RAB3C: variants seen among roughly 807,000 people sequenced by gnomAD.
The protein encoded by RAB3C is RAB3C, member RAS oncogene family.
RAB3C carries 17 observed loss-of-function variants against 26.4 expected under a neutral mutation model. The observed-to-expected ratio is 0.64, with a 90% CI of 0.44 to 0.97. The LOEUF (loss-of-function observed/expected upper bound fraction) is 0.97, where lower values mean the gene tolerates loss of function less well. RAB3C is among the 50% of genes least tolerant of loss of function. The pLI is 0.00. For missense variants in RAB3C, 242 were observed against 281.9 expected (o/e 0.86, Z 1.01); for synonymous variants, 91 against 95.9 (o/e 0.95, Z 0.30).
At position 58,851,335 on chromosome 5, in the gene RAB3C, C is replaced by A; in HGVS notation, c.668C>A (p.Pro223His). The change falls in exon 5 of 5, where the codon CCC becomes CAC. Residue 223 changes from proline to histidine, a missense_variant. Physicochemically the swap from Pro to His is moderately conservative, Grantham distance 77 (BLOSUM62 -2). Transcript: ENST00000282878. The part of the protein sequence containing the change: ...RLKETPPPPQ[P>H]NCAC Reference sequence around the variant, plus strand: ...AAGGAAACTCCTCCTCCACCGCAGCCCAACTGTGCCTGCTAGTGTCCCCGT... The same window carrying A: ...AAGGAAACTCCTCCTCCACCGCAGCACAACTGTGCCTGCTAGTGTCCCCGT... The A allele has an allele frequency of 6.2e-7, 1 of 1,604,846 alleles. No individual in the cohort carries two copies. Among genetic ancestry groups the A allele is most frequent in the Non-Finnish European group, 8.5e-7 (1 of 1,176,572 alleles).
At chr5:58,795,179 A>C (rs1331577674) in intron 3 of RAB3C, among the ~76,000 whole-genome samples, 1 of 152,166 alleles carries the variant, frequency 6.6e-6, no homozygotes, top group Non-Finnish European at 1.5e-5. Context: ...GTCACCATGT[A>C]AGATGTGATT....
intron 2 of RAB3C, among the ~76,000 whole-genome samples, chr5:58,622,899 A>G (rs1223913640): frequency 2.0e-5 from 3 of 152,194 alleles, no homozygotes; most frequent in Non-Finnish European, 4.4e-5. Context: ...GGTAGAAGAG[A>G]TCCAGGGAGG....
At chr5:58,821,281 A>G (rs1027316282) in intron 3 of RAB3C, among the ~76,000 whole-genome samples, 7 of 152,216 alleles carry the variant, frequency 4.6e-5, no homozygotes, top group Non-Finnish European at 7.3e-5. Context: ...TTCTGTTAAC[A>G]TAAGTGTTCT....
chr5:58,824,320 T>C (rs1007422147), intron 3 of RAB3C, among the ~76,000 whole-genome samples: 15 of 133,228 alleles, frequency 1.1e-4, no homozygotes, highest in Non-Finnish European at 2.3e-4. Context: ...ATTTATTATC[T>C]AAGTTCCAAA....
intron 4 of RAB3C, among the ~76,000 whole-genome samples, chr5:58,830,879 CT>C (rs5868141): frequency 0.58 from 86,914 of 150,514 alleles, 25,198 homozygotes; most frequent in Middle Eastern, 0.73. Context: ...CGCAATAGGT[CT>C]TTTTTTTTTA....
At chr5:58,729,913 TTA>T (rs566791089) in intron 3 of RAB3C, among the ~76,000 whole-genome samples, 3 of 146,940 alleles carry the variant, frequency 2.0e-5, no homozygotes, top group African/African-American at 7.5e-5. Flanking sequence ...TATATTTATA[TTA>T]TATATATACA....
intron 3 of RAB3C, among the ~76,000 whole-genome samples, chr5:58,773,018 C>A (rs147677842): frequency 2.2e-4 from 33 of 152,248 alleles, no homozygotes; most frequent in African/African-American, 7.9e-4. Flanking sequence ...GACCTAGAAG[C>A]CTACATAGAT....
intron 2 of RAB3C, among the ~76,000 whole-genome samples, chr5:58,641,378 G>A (rs769429454): frequency 4.6e-5 from 7 of 152,154 alleles, no homozygotes; most frequent in Non-Finnish European, 8.8e-5. Context: ...TGGTAGCTCC[G>A]CCAGTGTGCG....
chr5:58,596,992 T>A (rs1169036633), intron 1 of RAB3C, among the ~76,000 whole-genome samples: 2 of 89,958 alleles, frequency 2.2e-5, no homozygotes, highest in Non-Finnish European at 3.8e-5. Context: ...TAATATATAA[T>A]GCATAATATA....
At chr5:58,670,196 C>A (rs1748083779) in intron 2 of RAB3C, among the ~76,000 whole-genome samples, 1 of 152,118 alleles carries the variant, frequency 6.6e-6, no homozygotes, top group African/African-American at 2.4e-5. Flanking sequence ...GACATACGAT[C>A]TTAGAGGCCC....
intron 1 of RAB3C, among the ~76,000 whole-genome samples, chr5:58,606,321 G>A (rs900054247): frequency 6.6e-6 from 1 of 152,200 alleles, no homozygotes; most frequent in African/African-American, 2.4e-5. Context: ...AGATTGACCT[G>A]CAAGGTGGCA....
chr5:58,837,710 C>T (rs1020775339), intron 4 of RAB3C, among the ~76,000 whole-genome samples: 1 of 150,506 alleles, frequency 6.6e-6, no homozygotes, highest in Non-Finnish European at 1.5e-5. Flanking sequence ...AGGTGCCCAC[C>T]ACCACACCCA....
chr5:58,704,676 T>C (rs952408182), intron 2 of RAB3C, among the ~76,000 whole-genome samples: 2 of 152,162 alleles, frequency 1.3e-5, no homozygotes, highest in Non-Finnish European at 2.9e-5. Flanking sequence ...GATAAGCAGG[T>C]AAAATGACTT....
chr5:58,831,799 G>T (rs952406737), intron 4 of RAB3C, among the ~76,000 whole-genome samples: 2 of 151,868 alleles, frequency 1.3e-5, no homozygotes, highest in Non-Finnish European at 2.9e-5. Flanking sequence ...GAAAACCCAA[G>T]GCGGGGACAA....
At chr5:58,631,293 C>G (rs780385922) in intron 2 of RAB3C, among the ~76,000 whole-genome samples, 6 of 152,118 alleles carry the variant, frequency 3.9e-5, no homozygotes, top group Admixed American at 6.5e-5. Flanking sequence ...GCTTTACAAA[C>G]TGGGCAACTG....
intron 3 of RAB3C, among the ~76,000 whole-genome samples, chr5:58,749,057 A>G (rs1741464944): frequency 6.6e-6 from 1 of 152,146 alleles, no homozygotes; most frequent in Admixed American, 6.5e-5. Context: ...AGCCTCCCCC[A>G]ATGCCATCAA....
At chr5:58,745,392 CA>C (rs1173604247) in intron 3 of RAB3C, among the ~76,000 whole-genome samples, 379 of 33,104 alleles carry the variant, frequency 0.011, no homozygotes, top group African/African-American at 0.021. Context: ...GACTCTGCTT[CA>C]AAAAAAAAAA....
At chr5:58,665,278 A>G (rs59064450) in intron 2 of RAB3C, among the ~76,000 whole-genome samples, 30,922 of 152,108 alleles carry the variant, frequency 0.2, 3,215 homozygotes, top group East Asian at 0.34. Flanking sequence ...TAAGGCTTTT[A>G]TGGGGGAATA....
intron 2 of RAB3C, among the ~76,000 whole-genome samples, chr5:58,722,019 G>T (rs1414813688): frequency 2.0e-5 from 3 of 151,358 alleles, no homozygotes; most frequent in Non-Finnish European, 3.0e-5. Flanking sequence ...GGTTCTAACA[G>T]TTTCCTGTAA....
Sources: gnomAD v4.1 joint callset for allele counts (sites outside exome capture counted in the v4.1 genomes callset) on GRCh38, gnomAD v4.1.1 for gene constraint, MANE v1.5 for transcripts, NCBI Gene and HGNC (gene_info 2026-07-23, HGNC 2026-07-21) for gene names.